CFAP299: variants seen among roughly 807,000 people sequenced by gnomAD.
CFAP299 encodes cilia- and flagella-associated protein 299.
Under a neutral mutation model 27.0 loss-of-function variants are expected in CFAP299, and 21 were observed. The observed-to-expected ratio is 0.78, with a 90% CI of 0.55 to 1.12. The LOEUF (loss-of-function observed/expected upper bound fraction) is 1.12. Among genes scored for constraint, CFAP299 ranks in the 50% most tolerant of loss-of-function variants. CFAP299 has a pLI of 0.00. For synonymous variants in CFAP299, 104 were observed against 98.1 expected (o/e 1.06, Z -0.36); for missense variants, 310 against 276.6 (o/e 1.12, Z -0.86).
intron 3 of CFAP299, among the ~76,000 whole-genome samples, chr4:80,586,941 C>T (rs1468817006): frequency 1.3e-5 from 2 of 152,068 alleles, no homozygotes; most frequent in Non-Finnish European, 2.9e-5. Context: ...TACAGCTTTT[C>T]CTTCAGAGTC....
chr4:80,484,704 A>G lies in CFAP299; in HGVS notation c.243-98389A>G, dbSNP rs1034953122. Among the ~76,000 whole-genome samples, 151 of 152,350 alleles carry G rather than the reference A, an allele frequency of 9.9e-4. 1 individual carries two copies. Among genetic ancestry groups the G allele is most frequent in the Non-Finnish European group, 1.6e-3 (112 of 68,024 alleles). On this transcript the variant is annotated intron_variant, in intron 2 of 5. Coordinates refer to ENST00000358105, the MANE Select transcript of CFAP299 (RefSeq NM_152770.3). Reference sequence around the variant, plus strand: ...GCTAAGACTAGTACATTTATTAGGCATAAATGAATATTGATGGCAGAAATT... The same window carrying G: ...GCTAAGACTAGTACATTTATTAGGCGTAAATGAATATTGATGGCAGAAATT...
Position 80,749,520 on chromosome 4 carries a change from A to G in CFAP299, c.334-120473A>G, listed in dbSNP as rs992297599. On this transcript the variant is annotated intron_variant, in intron 3 of 5. Coordinates refer to ENST00000358105, the MANE Select transcript of CFAP299 (RefSeq NM_152770.3). ...ACAATAGGCCATCTGCAAGTTGAGG[A>G]GCAAGGAAGCCAGTAGTGGATCAAT... Among the ~76,000 whole-genome samples the G allele has an allele frequency of 5.9e-5, 9 of 152,330 alleles. No homozygotes were observed. In the East Asian group the frequency reaches 1.5e-3, roughly 26 times the overall value.
At chr4:80,470,994 AACTGT>A (rs1729964946) in intron 2 of CFAP299, among the ~76,000 whole-genome samples, 1 of 152,228 alleles carries the variant, frequency 6.6e-6, no homozygotes, top group African/African-American at 2.4e-5. Context: ...TATTACCAGG[AACTGT>A]ACTAAATGCT....
At chr4:80,734,355 T>A (rs983920909) in intron 3 of CFAP299, among the ~76,000 whole-genome samples, 2 of 152,138 alleles carry the variant, frequency 1.3e-5, no homozygotes, top group African/African-American at 2.4e-5. Flanking sequence ...TCCTTCTATA[T>A]TCGGTTATTA....
At chr4:80,666,162 A>G (rs2109987296) in intron 3 of CFAP299, among the ~76,000 whole-genome samples, 1 of 152,168 alleles carries the variant, frequency 6.6e-6, no homozygotes, top group East Asian at 1.9e-4. Context: ...AGTATTCATC[A>G]TTTACGTTTT....
Position 80,800,167 on chromosome 4 carries a change from A to ATACTATATAATATAATATATAATATATAT in CFAP299, c.334-69824_334-69823insCTATATAATATAATATATAATATATATTA, listed in dbSNP as rs1728340965. Among the ~76,000 whole-genome samples the ATACTATATAATATAATATATAATATATAT allele has an allele frequency of 1.2e-4, 7 of 56,242 alleles. No individual in the cohort carries two copies. In the Admixed American group the frequency reaches 1.6e-3, roughly 13 times the overall value. 36.9% of individuals were successfully genotyped at this position (56,242 alleles called of 152,430 possible). On this transcript the variant is annotated intron_variant, in intron 3 of 5. Coordinates refer to ENST00000358105, the MANE Select transcript of CFAP299 (RefSeq NM_152770.3). ...AATATATTTATATAATATATAATAC[A>ATACTATATAATATAATATATAATATATAT]TATAATATATAATAATATGTAATAC... is the stretch of plus-strand genomic sequence containing the variant.
intron 2 of CFAP299, among the ~76,000 whole-genome samples, chr4:80,422,271 G>T (rs549487863): frequency 4.6e-5 from 7 of 151,854 alleles, no homozygotes; most frequent in Non-Finnish European, 8.8e-5. Context: ...TAAAGTTGTT[G>T]GTATAACAAA....
intron 5 of CFAP299, among the ~76,000 whole-genome samples, chr4:80,962,421 T>C (rs965605354): frequency 1.4e-4 from 21 of 151,924 alleles, no homozygotes; most frequent in African/African-American, 5.1e-4. Context: ...CACAATTATT[T>C]TGCATCTTTG....
chr4:80,394,032 G>C (rs1725640686), intron 2 of CFAP299, among the ~76,000 whole-genome samples: 1 of 152,078 alleles, frequency 6.6e-6, no homozygotes, highest in Non-Finnish European at 1.5e-5. Context: ...ATAAGTGTTT[G>C]ACAGTTCCTC....
chr4:80,943,705 T>C (rs1329890759), intron 4 of CFAP299, among the ~76,000 whole-genome samples: 1 of 152,144 alleles, frequency 6.6e-6, no homozygotes, highest in Non-Finnish European at 1.5e-5. Context: ...TATGACAGTA[T>C]TGCATTCATT....
In CFAP299 at chr4:80,961,388, A is replaced by G. The variant is rs1738337958; in HGVS notation, c.607-2129A>G. On this transcript the variant is annotated intron_variant, in intron 5 of 5. Transcript: ENST00000358105. Reference sequence around the variant, plus strand: ...TTATGTGAACTTAAATTTTAAAAACATTTCTGAGTTTCTGTAAAAATAAGT... The same window carrying G: ...TTATGTGAACTTAAATTTTAAAAACGTTTCTGAGTTTCTGTAAAAATAAGT... Among the ~76,000 whole-genome samples, 3 of 151,860 alleles carry G rather than the reference A, an allele frequency of 2.0e-5. No homozygotes were observed. The South Asian group carries it at 6.2e-4, about 31-fold the overall frequency.
intron 2 of CFAP299, among the ~76,000 whole-genome samples, chr4:80,441,589 C>T (rs1728359843): frequency 6.6e-6 from 1 of 152,160 alleles, no homozygotes; most frequent in African/African-American, 2.4e-5. Context: ...CATTACCAGC[C>T]ACTGCAACAA....
At chr4:80,878,700 T>C (rs902312990) in intron 4 of CFAP299, among the ~76,000 whole-genome samples, 2 of 152,152 alleles carry the variant, frequency 1.3e-5, no homozygotes, top group African/African-American at 2.4e-5. Flanking sequence ...GTTATTTTCA[T>C]TTAATTTTCT....
chr4:80,866,169 T>G (rs114800102), intron 3 of CFAP299, among the ~76,000 whole-genome samples: 2,093 of 146,794 alleles, frequency 0.014, 48 homozygotes, highest in African/African-American at 0.048. Context: ...AATTTACATT[T>G]GTTCTATGCA....
At chr4:80,819,031 G>A (rs549551864) in intron 3 of CFAP299, among the ~76,000 whole-genome samples, 12 of 152,204 alleles carry the variant, frequency 7.9e-5, no homozygotes, top group African/African-American at 2.4e-4. Flanking sequence ...GCAATGTAAC[G>A]AGAACTGGAG....
chr4:80,556,593 C>T (rs1361855094), intron 2 of CFAP299, among the ~76,000 whole-genome samples: 2 of 151,788 alleles, frequency 1.3e-5, no homozygotes, highest in African/African-American at 4.8e-5. Flanking sequence ...CTAATAAGCC[C>T]GATATGTCTC....
At chr4:80,805,628 G>A (rs1225038751) in intron 3 of CFAP299, among the ~76,000 whole-genome samples, 1 of 152,058 alleles carries the variant, frequency 6.6e-6, no homozygotes, top group Non-Finnish European at 1.5e-5. Flanking sequence ...AGGATTGCTT[G>A]AGCCCAGGAG....
intron 2 of CFAP299, chr4:80,387,393 A>G: frequency 8.9e-7 from 1 of 1,119,552 alleles, no homozygotes; most frequent in Non-Finnish European, 1.4e-6. Context: ...AGCTGGAAAT[A>G]GGTGCTGAAC....
chr4:80,657,247 C>G (rs991311967), intron 3 of CFAP299, among the ~76,000 whole-genome samples: 4 of 152,048 alleles, frequency 2.6e-5, no homozygotes, highest in African/African-American at 7.3e-5. Flanking sequence ...TCCCATTTGT[C>G]AGTTTTGGCT....
Sources: allele counts gnomAD v4.1 joint callset (sites outside exome capture counted in the v4.1 genomes callset), GRCh38; gene constraint gnomAD v4.1.1; transcripts MANE v1.5; gene names NCBI Gene and HGNC (gene_info 2026-07-23, HGNC 2026-07-21).